COX4I2: variants seen among roughly 807,000 people sequenced by gnomAD.
The protein encoded by COX4I2 is cytochrome c oxidase subunit 4 isoform 2, mitochondrial.
A neutral mutation model predicts 20.8 loss-of-function variants in COX4I2; 15 were observed. That is an observed-to-expected ratio of 0.72 (90% CI 0.48 to 1.11). The LOEUF is 1.11. Ranked by LOEUF, COX4I2 falls within the 50% of genes most tolerant of loss-of-function variation. The pLI, the probability that COX4I2 is intolerant of heterozygous loss-of-function variation, is 0.00. For missense variants in COX4I2, 224 were observed against 223.0 expected (o/e 1.00, Z -0.03); for synonymous variants, 80 against 78.1 (o/e 1.02, Z -0.13).
At chr20:31,639,796 TC>T (rs2060456039) in intron 2 of COX4I2, 136 bp from the exon 3 acceptor site, 1 of 889,700 alleles carries the variant, frequency 1.1e-6, no homozygotes, top group Non-Finnish European at 1.8e-6. Flanking sequence ...GACCTCGTGA[TC>T]CACCCGCCTC....
At chr20:31,641,906 C>T (rs1477076664) in intron 3 of COX4I2, among the ~76,000 whole-genome samples, 1 of 151,706 alleles carries the variant, frequency 6.6e-6, no homozygotes, top group Admixed American at 6.6e-5. Context: ...CAGGGTTTCA[C>T]CATGTTGGCC....
At chr20:31,639,277 C>T (rs1194153552) in intron 2 of COX4I2, 178 bp downstream of exon 2, 9 of 985,210 alleles carry the variant, frequency 9.1e-6, no homozygotes, top group East Asian at 1.1e-4. Flanking sequence ...ATGGAGTGCG[C>T]GGGGTGAGCA....
At position 31,640,025 on chromosome 20, in the gene COX4I2, G is replaced by A. The variant is rs147223483; in HGVS notation, c.175G>A (p.Ala59Thr). 3.1e-6 allele frequency: 5 copies of A among 1,613,928 alleles called. No individual in the cohort carries two copies. The highest frequency in any genetic ancestry group is 1.6e-4 in the Middle Eastern group (1 of 6,062). Residue 59 changes from alanine (A) to threonine (T), a missense_variant, in exon 3 of 5, where the codon GCT becomes ACT. Coordinates refer to ENST00000376075, the MANE Select transcript of COX4I2 (RefSeq NM_032609.3). Reference protein sequence around the residue: ...PEEPFCTELNAEEQALKEKEK... With the variant: ...PEEPFCTELNTEEQALKEKEK... ...AGAGCCCTTCTGCACAGAACTCAACGCTGAGGAGCAGGCCCTGAAGGAGAA... is the reference window on the plus strand; with the variant it reads ...AGAGCCCTTCTGCACAGAACTCAACACTGAGGAGCAGGCCCTGAAGGAGAA...
At chr20:31,642,321 TAA>T (rs2060472726) in intron 3 of COX4I2, among the ~76,000 whole-genome samples, 1 of 152,052 alleles carries the variant, frequency 6.6e-6, no homozygotes, top group Non-Finnish European at 1.5e-5. Flanking sequence ...TCCCAAAACC[TAA>T]GACAGTTCCC....
At chr20:31,644,217 G>A (rs1446411342) in intron 4 of COX4I2, among the ~76,000 whole-genome samples, 2 of 152,168 alleles carry the variant, frequency 1.3e-5, no homozygotes, top group African/African-American at 2.4e-5. Flanking sequence ...CAGCAAGTGG[G>A]AACAAACTCA....
At chr20:31,640,652 G>A (rs762119680) in intron 3 of COX4I2, among the ~76,000 whole-genome samples, 76 of 152,232 alleles carry the variant, frequency 5.0e-4, no homozygotes, top group Admixed American at 8.5e-4. Flanking sequence ...CTGGAGGGAT[G>A]TGTGGTCCCT....
chr20:31,639,607 G>A (rs2060455179), intron 2 of COX4I2, among the ~76,000 whole-genome samples: 1 of 146,238 alleles, frequency 6.8e-6, no homozygotes, highest in Admixed American at 7.0e-5. Context: ...TCAGGCTAGA[G>A]TGTTCAGTGG....
At chr20:31,643,566 C>T (rs1384943545) in intron 4 of COX4I2, 31 bp downstream of exon 4, 1 of 1,613,690 alleles carries the variant, frequency 6.2e-7, no homozygotes, top group Admixed American at 1.7e-5. Context: ...TGGCTGCAGT[C>T]CTGGGCCATG....
chr20:31,643,601 A>G, intron 4 of COX4I2, 66 bp downstream of exon 4: 1 of 1,591,240 alleles, frequency 6.3e-7, no homozygotes, highest in Non-Finnish European at 8.6e-7. Context: ...GCCACCAGAC[A>G]GTTTCTTAAA....
chr20:31,640,871 C>A (rs902874669), intron 3 of COX4I2, among the ~76,000 whole-genome samples: 16 of 151,696 alleles, frequency 1.1e-4, no homozygotes, highest in African/African-American at 3.9e-4. Flanking sequence ...CAGCTGTGAG[C>A]CAGCCAGGCT....
Position 31,644,797 on chromosome 20 carries a change from G to GA in COX4I2, c.410dup (p.Asp137GlufsTer29). 1 of 1,614,128 alleles carries GA rather than the reference G, an allele frequency of 6.2e-7. No homozygotes were observed. Among genetic ancestry groups the GA allele is most frequent in the Non-Finnish European group, 8.5e-7 (1 of 1,180,024 alleles). ...TCCTCCAAAGCCGATCACCTTGACG[G>GA]ACGAGCGGAAAGCCCAGCAGCTGCA... On this transcript the variant is annotated frameshift_variant, in exon 5 of 5. Coordinates refer to ENST00000376075, the MANE Select transcript of COX4I2 (RefSeq NM_032609.3). LOFTEE classifies it high-confidence loss of function.
chr20:31,639,413 C>T (rs1030022400), intron 2 of COX4I2: 3 of 420,574 alleles, frequency 7.1e-6, no homozygotes, highest in African/African-American at 6.5e-5. Context: ...CTTTCCAGAC[C>T]CTAGTTTCAA....
At chr20:31,640,194 A>G (rs955727155) in intron 3 of COX4I2, 97 bp downstream of exon 3, 21 of 1,335,982 alleles carry the variant, frequency 1.6e-5, no homozygotes, top group South Asian at 3.9e-5. Flanking sequence ...AGAGGCCCCC[A>G]AGACAGCCAG....
chr20:31,642,431 A>ATTTTTTTT (rs57483570), intron 3 of COX4I2, among the ~76,000 whole-genome samples: 2 of 88,840 alleles, frequency 2.3e-5, no homozygotes, highest in African/African-American at 5.5e-5. Flanking sequence ...ACGTAGGGTA[A>ATTTTTTTT]TTTTTTTTTT....
rs2060486991 is a variant in COX4I2, at chr20:31,644,809, G to A, written c.421G>A (p.Ala141Thr). Residue 141 changes from alanine (A) to threonine (T), a missense_variant, in exon 5 of 5, where the codon GCC becomes ACC. Transcript: ENST00000376075. ...GATCACCTTGACGGACGAGCGGAAA[G>A]CCCAGCAGCTGCAGCGCATGCTGGA... is the stretch of plus-strand genomic sequence containing the variant. ...KPITLTDERK[A>T]QQLQRMLDMK... is the part of the protein sequence containing the mutation. 1.2e-6 allele frequency: 2 copies of A among 1,614,022 alleles called. No homozygotes were observed. The highest frequency in any genetic ancestry group is 1.7e-5 in the Admixed American group (1 of 59,984).
At chr20:31,640,954 T>TACACACACAC (rs35214276) in intron 3 of COX4I2, among the ~76,000 whole-genome samples, 3,475 of 133,524 alleles carry the variant, frequency 0.026, 54 homozygotes, top group Middle Eastern at 0.043. Context: ...TCTCTCTTTC[T>TACACACACAC]ACACACACAC....
At chr20:31,639,275 C>T (rs760365350) in intron 2 of COX4I2, 176 bp downstream of exon 2, 16 of 985,188 alleles carry the variant, frequency 1.6e-5, no homozygotes, top group South Asian at 4.7e-5. Flanking sequence ...AAATGGAGTG[C>T]GCGGGGTGAG....
intron 1 of COX4I2, among the ~76,000 whole-genome samples, chr20:31,638,765 A>G (rs922400749): frequency 1.7e-4 from 26 of 152,220 alleles, no homozygotes; most frequent in Admixed American, 1.6e-3. Context: ...CCCAAGACTT[A>G]GGCCTCCTCC....
In COX4I2 at chr20:31,644,796, G is replaced by C. The variant is rs375116097; in HGVS notation, c.408G>C (p.Thr136=). The C allele has an allele frequency of 2.5e-6, 4 of 1,614,072 alleles. No individual in the cohort carries two copies. The highest frequency in any genetic ancestry group is 2.5e-6 in the Non-Finnish European group (3 of 1,180,024). ...YVFPPKPITL[T]DERKAQQLQR... ...TTCCTCCAAAGCCGATCACCTTGAC[G>C]GACGAGCGGAAAGCCCAGCAGCTGC... is the stretch of plus-strand genomic sequence containing the variant. The change falls in exon 5 of 5, where the codon ACG becomes ACC. Residue 136 remains threonine, a synonymous_variant. Coordinates refer to ENST00000376075, the MANE Select transcript of COX4I2 (RefSeq NM_032609.3).
Sources: allele counts gnomAD v4.1 joint callset (sites outside exome capture counted in the v4.1 genomes callset), GRCh38; gene constraint gnomAD v4.1.1; transcripts MANE v1.5; gene names NCBI Gene and HGNC (gene_info 2026-07-23, HGNC 2026-07-21).